Variants in AVEN observed in about 807,000 individuals in gnomAD.
AVEN encodes the protein cell death regulator Aven.
In AVEN, 41 loss-of-function variants were observed where a neutral mutation model predicts 38.1. That is an observed-to-expected ratio of 1.08 (90% CI 0.84 to 1.40). The LOEUF (loss-of-function observed/expected upper bound fraction) is 1.40, where lower values mean the gene tolerates loss of function less well. Among genes scored for constraint, AVEN ranks in the 40% most tolerant of loss-of-function variants. The pLI, the probability that AVEN is intolerant of heterozygous loss-of-function variation, is 0.00. For synonymous variants in AVEN, 206 were observed against 171.8 expected, an observed-to-expected ratio of 1.20 and a Z score of -1.56; for missense variants, 605 against 438.8, an observed-to-expected ratio of 1.38 and a Z score of -3.38.
chr15:33,918,458 C>CTTTTTTTTTTTTTTTTTTTT (rs33928063), intron 2 of AVEN, among the ~76,000 whole-genome samples: 1 of 84,504 alleles, frequency 1.2e-5, no homozygotes, highest in African/African-American at 4.9e-5. Context: ...TAAATTACAG[C>CTTTTTTTTTTTTTTTTTTTT]TTTTTTTTTT....
intron 2 of AVEN, chr15:33,968,792 C>A (rs1049867702): frequency 6.6e-6 from 1 of 151,982 alleles, no homozygotes; most frequent in African/African-American, 2.4e-5. Flanking sequence ...CAGAACTTTT[C>A]CAGGGGGTCA....
downstream of AVEN, among the ~76,000 whole-genome samples, chr15:33,863,092 C>G (rs912735674): frequency 6.6e-6 from 1 of 152,170 alleles, no homozygotes; most frequent in Non-Finnish European, 1.5e-5. Flanking sequence ...GTTGGAACCC[C>G]TTCTGTGCCT....
At chr15:34,000,532 A>G (rs544352159) in intron 2 of AVEN, among the ~76,000 whole-genome samples, 2 of 152,352 alleles carry the variant, frequency 1.3e-5, no homozygotes, top group South Asian at 4.1e-4. Context: ...CACCTAAGGA[A>G]CCAACAATAT....
chr15:33,903,825 G>A (rs56343807), intron 2 of AVEN, among the ~76,000 whole-genome samples: 70,103 of 151,780 alleles, frequency 0.46, 17,672 homozygotes, highest in East Asian at 0.58. Context: ...ATCATTAGGT[G>A]ATTTGTCATT....
At chr15:33,937,030 C>G (rs188341195) in intron 2 of AVEN, among the ~76,000 whole-genome samples, 2,610 of 148,342 alleles carry the variant, frequency 0.018, 90 homozygotes, top group African/African-American at 0.062. Context: ...ACTCGGGAGG[C>G]TGAGGCAGGA....
At chr15:34,011,560 A>G (rs1486263446) in intron 1 of AVEN, among the ~76,000 whole-genome samples, 1 of 152,192 alleles carries the variant, frequency 6.6e-6, no homozygotes, top group Non-Finnish European at 1.5e-5. Flanking sequence ...CTGTTTCTCT[A>G]GCAAAAGAAG....
intron 2 of AVEN, among the ~76,000 whole-genome samples, chr15:33,962,659 A>C (rs558426539): frequency 1.8e-5 from 2 of 113,892 alleles, no homozygotes; most frequent in African/African-American, 2.7e-5. Flanking sequence ...CAAATCACTA[A>C]ATTTCCCTGC....
downstream of AVEN, chr15:33,853,782 C>G (rs571975424): frequency 1.4e-6 from 2 of 1,471,410 alleles, no homozygotes; most frequent in East Asian, 4.6e-5. Context: ...TTCTCTCAGG[C>G]TGTGGTCTGG....
chr15:33,986,993 A>G (rs1424198939), intron 2 of AVEN, among the ~76,000 whole-genome samples: 1 of 152,218 alleles, frequency 6.6e-6, no homozygotes, highest in African/African-American at 2.4e-5. Flanking sequence ...CAGATAAAAT[A>G]TAGATTTACT....
Position 33,901,449 on chromosome 15 carries a change from T to C in AVEN, c.446-25454A>G, listed in dbSNP as rs533069023. On this transcript the variant is annotated intron_variant, in intron 2 of 5. Transcript: ENST00000306730. Reference sequence around the variant, plus strand: ...CATTGTCTCCATATCTTCGCTCTTGTGAATAATACTGAAATGAACATAGAG... The same window carrying C: ...CATTGTCTCCATATCTTCGCTCTTGCGAATAATACTGAAATGAACATAGAG... 2.6e-5 allele frequency among the ~76,000 whole-genome samples: 4 copies of C among 152,348 alleles called. No individual in the cohort carries two copies. In the East Asian group the frequency reaches 7.7e-4, roughly 29 times the overall value.
chr15:33,962,316 G>C (rs973752702), intron 2 of AVEN, among the ~76,000 whole-genome samples: 1 of 152,086 alleles, frequency 6.6e-6, no homozygotes, highest in Non-Finnish European at 1.5e-5. Flanking sequence ...AGCCCATCTT[G>C]TTCAATATTC....
intron 2 of AVEN, among the ~76,000 whole-genome samples, chr15:33,913,729 T>C (rs1893008830): frequency 6.6e-6 from 1 of 152,200 alleles, no homozygotes; most frequent in Non-Finnish European, 1.5e-5. Flanking sequence ...ATATTTAATA[T>C]TTTTCCCATA....
intron 2 of AVEN, among the ~76,000 whole-genome samples, chr15:33,906,167 G>A (rs609221): frequency 0.46 from 69,452 of 151,820 alleles, 16,175 homozygotes; most frequent in African/African-American, 0.53. Context: ...AATTGTGTGT[G>A]CTTGAGCTTC....
intron 2 of AVEN, among the ~76,000 whole-genome samples, chr15:33,948,167 G>A (rs1464360122): frequency 6.8e-6 from 1 of 148,096 alleles, no homozygotes; most frequent in Non-Finnish European, 1.5e-5. Flanking sequence ...GCATGATCTC[G>A]GCTCACTGCA....
At chr15:33,988,492 C>T (rs1896577935) in intron 2 of AVEN, among the ~76,000 whole-genome samples, 2 of 152,072 alleles carry the variant, frequency 1.3e-5, no homozygotes, top group Admixed American at 6.5e-5. Flanking sequence ...AGAATGTGCC[C>T]GTGTAACACA....
intron 2 of AVEN, among the ~76,000 whole-genome samples, chr15:33,999,545 T>C (rs923389988): frequency 2.0e-5 from 3 of 152,176 alleles, no homozygotes; most frequent in Admixed American, 6.5e-5. Context: ...GGCAACTCCC[T>C]TCTTCTCACT....
chr15:33,873,736 G>C (rs1410380857), intron 3 of AVEN, among the ~76,000 whole-genome samples: 1 of 151,868 alleles, frequency 6.6e-6, no homozygotes, highest in Non-Finnish European at 1.5e-5. Context: ...CCTCCAACTC[G>C]AACTGTTCAA....
At chr15:33,861,741 G>C (rs1888310265), downstream of AVEN, among the ~76,000 whole-genome samples, 1 of 152,094 alleles carries the variant, frequency 6.6e-6, no homozygotes, top group Non-Finnish European at 1.5e-5. Context: ...GCCTCATCAT[G>C]TCTGTCTTTT....
At chr15:33,886,695 G>A (rs779273387) in intron 2 of AVEN, among the ~76,000 whole-genome samples, 13 of 152,132 alleles carry the variant, frequency 8.5e-5, no homozygotes, top group Non-Finnish European at 1.2e-4. Flanking sequence ...TGAGGCTTCC[G>A]CAGCTCTGCA....
Sources: gnomAD v4.1 joint callset for allele counts (sites outside exome capture counted in the v4.1 genomes callset) on GRCh38, gnomAD v4.1.1 for gene constraint, MANE v1.5 for transcripts, NCBI Gene and HGNC (gene_info 2026-07-23, HGNC 2026-07-21) for gene names.